LRFN2: variants seen among roughly 807,000 people sequenced by gnomAD.
LRFN2 encodes leucine rich repeat and fibronectin type III domain containing 2.
In LRFN2, 18 loss-of-function variants were observed where a neutral mutation model predicts 37.3. That is an observed-to-expected ratio of 0.48 (90% CI 0.33 to 0.72). The LOEUF (loss-of-function observed/expected upper bound fraction) is 0.72. LRFN2 is among the 30% of genes least tolerant of loss of function. The pLI, the probability that LRFN2 is intolerant of heterozygous loss-of-function variation, is 0.02. For synonymous variants in LRFN2, 556 were observed against 466.6 expected (o/e 1.19, Z -2.47); for missense variants, 1,006 against 1,060.7 (o/e 0.95, Z 0.72).
At chr6:40,393,301 A>G (rs560008969) in intron 2 of LRFN2, among the ~76,000 whole-genome samples, 166 of 152,100 alleles carry the variant, frequency 1.1e-3, no homozygotes, top group African/African-American at 3.8e-3. Context: ...AGAGGTATAG[A>G]CCGAGGATGT....
intron 1 of LRFN2, among the ~76,000 whole-genome samples, chr6:40,568,810 C>A (rs1171878481): frequency 6.6e-6 from 1 of 151,926 alleles, no homozygotes; most frequent in African/African-American, 2.4e-5. Context: ...TAACCTCCGC[C>A]TCCTGGGTTC....
intron 2 of LRFN2, among the ~76,000 whole-genome samples, chr6:40,425,510 C>G (rs1487956739): frequency 6.6e-6 from 1 of 152,214 alleles, no homozygotes; most frequent in Non-Finnish European, 1.5e-5. Flanking sequence ...TGAACTGTTG[C>G]TCCCTCCAGG....
chr6:40,545,659 GA>G (rs1766648151), intron 1 of LRFN2, among the ~76,000 whole-genome samples: 1 of 152,076 alleles, frequency 6.6e-6, no homozygotes, highest in African/African-American at 2.4e-5. Flanking sequence ...AGGATAATGG[GA>G]AAGTGGAAGA....
chr6:40,509,340 C>T (rs1439996948), intron 1 of LRFN2, among the ~76,000 whole-genome samples: 1 of 152,266 alleles, frequency 6.6e-6, no homozygotes, highest in Non-Finnish European at 1.5e-5. Flanking sequence ...TGACTGTCAC[C>T]TTTCACACTC....
chr6:40,569,674 A>T (rs1767152412), intron 1 of LRFN2, among the ~76,000 whole-genome samples: 1 of 152,134 alleles, frequency 6.6e-6, no homozygotes. Flanking sequence ...CTGGCTCCGC[A>T]CTGCTCTCAC....
At chr6:40,428,030 T>TTAAC (rs1366047199) in intron 2 of LRFN2, among the ~76,000 whole-genome samples, 2 of 152,216 alleles carry the variant, frequency 1.3e-5, no homozygotes, top group African/African-American at 4.8e-5. Context: ...TACCCCCTGT[T>TTAAC]TAACACCTTG....
chr6:40,560,390 T>G (rs531519846), intron 1 of LRFN2, among the ~76,000 whole-genome samples: 2 of 152,146 alleles, frequency 1.3e-5, no homozygotes, highest in African/African-American at 2.4e-5. Flanking sequence ...GGAAGCCCAG[T>G]TGAGGCCAAA....
At chr6:40,409,725 G>A (rs1030768191) in intron 2 of LRFN2, among the ~76,000 whole-genome samples, 4 of 152,128 alleles carry the variant, frequency 2.6e-5, no homozygotes, top group South Asian at 4.1e-4. Context: ...ATAAATGTGA[G>A]GTGTCCATTT....
chr6:40,517,786 C>T (rs1280624982), intron 1 of LRFN2, among the ~76,000 whole-genome samples: 1 of 152,114 alleles, frequency 6.6e-6, no homozygotes, highest in African/African-American at 2.4e-5. Flanking sequence ...ATAGTGTGTA[C>T]GTGGCAGAGC....
intron 1 of LRFN2, among the ~76,000 whole-genome samples, chr6:40,514,375 T>C (rs920193428): frequency 6.6e-6 from 1 of 152,182 alleles, no homozygotes; most frequent in East Asian, 1.9e-4. Context: ...AATGCAGTAG[T>C]GCAATCTCAG....
Position 40,539,935 on chromosome 6 carries a change from C to A in LRFN2, c.-19+47006G>T, listed in dbSNP as rs1435089384. Among the ~76,000 whole-genome samples the A allele has an allele frequency of 3.1e-4, 47 of 152,152 alleles. 1 individual carries two copies. The highest frequency in any genetic ancestry group is 2.9e-5 in the Non-Finnish European group (2 of 68,046). The stretch of plus-strand genomic sequence containing the variant: ...AGGATAATCCTCCCCTCTTCCATCA[C>A]CTCTCCAGGATGCTGTGAGATGCCA... On this transcript the variant is annotated intron_variant, in intron 1 of 2. Transcript: ENST00000338305.
intron 1 of LRFN2, among the ~76,000 whole-genome samples, chr6:40,450,615 G>A (rs1251933428): frequency 6.6e-6 from 1 of 152,160 alleles, no homozygotes; most frequent in African/African-American, 2.4e-5. Flanking sequence ...TCCCGTCATG[G>A]GCAGACTGGT....
At chr6:40,492,565 C>A (rs759082435) in intron 1 of LRFN2, among the ~76,000 whole-genome samples, 9 of 152,214 alleles carry the variant, frequency 5.9e-5, no homozygotes, top group Non-Finnish European at 1.2e-4. Flanking sequence ...ATCTTTAGAG[C>A]CACTTACTGA....
At chr6:40,407,582 A>T (rs1276597048) in intron 2 of LRFN2, among the ~76,000 whole-genome samples, 2 of 152,262 alleles carry the variant, frequency 1.3e-5, no homozygotes, top group Admixed American at 1.3e-4. Context: ...GGAGGAGCTG[A>T]GAAGAGCTTG....
At chr6:40,450,596 C>A (rs1350263463) in intron 1 of LRFN2, among the ~76,000 whole-genome samples, 2 of 152,178 alleles carry the variant, frequency 1.3e-5, no homozygotes, top group African/African-American at 4.8e-5. Context: ...TGTCCAGTGT[C>A]CAGCTTCATC....
chr6:40,420,151 C>T (rs1763187808), intron 2 of LRFN2, among the ~76,000 whole-genome samples: 1 of 152,224 alleles, frequency 6.6e-6, no homozygotes, highest in Admixed American at 6.5e-5. Context: ...CTGGAAATAG[C>T]TCTCTTTTGT....
At chr6:40,445,015 C>G (rs1051054739) in intron 1 of LRFN2, among the ~76,000 whole-genome samples, 12 of 152,102 alleles carry the variant, frequency 7.9e-5, no homozygotes, top group Non-Finnish European at 8.8e-5. Flanking sequence ...CCTCACCCCC[C>G]CAGGGACCTG....
intron 1 of LRFN2, among the ~76,000 whole-genome samples, chr6:40,520,984 G>A (rs915215516): frequency 8.5e-5 from 13 of 152,168 alleles, no homozygotes; most frequent in African/African-American, 2.7e-4. Flanking sequence ...CAGGCCAGGC[G>A]GGAGAAGCCA....
Position 40,392,263 on chromosome 6 carries a change from C to T in LRFN2, c.2050G>A (p.Ala684Thr), listed in dbSNP as rs748767630. 3.6e-5 allele frequency: 57 copies of T among 1,595,128 alleles called. No homozygotes were observed. Among genetic ancestry groups the T allele is most frequent in the Non-Finnish European group, 4.8e-5 (56 of 1,172,310 alleles). ...LDSRTPAGRG[A>T]GTSARGHHSD... ...TGGTGGCCCCGGGCCGACGTCCCAG[C>T]CCCTCTCCCGGCTGGAGTCCTGGAG... Residue 684 changes from alanine (A) to threonine (T), a missense_variant, in exon 3 of 3, where the codon GCT becomes ACT. Around this residue, in one of 4 missense-constraint regions of LRFN2, gnomAD observed 398 missense variants for 327.6 expected, o/e 1.21. Transcript: ENST00000338305. The surrounding 1 kb of genome is among the most constrained non-coding windows in gnomAD (Gnocchi z 4.7).
Sources: gnomAD v4.1 joint callset for allele counts (sites outside exome capture counted in the v4.1 genomes callset) on GRCh38, gnomAD v4.1.1 for gene constraint, gnomAD v4.1.1 regional missense constraint, Gnocchi (gnomAD v3.1) non-coding constraint, MANE v1.5 for transcripts, NCBI Gene and HGNC (gene_info 2026-07-23, HGNC 2026-07-21) for gene names.